Variants in VWA8 observed in about 807,000 individuals in gnomAD.
The protein encoded by VWA8 is von Willebrand factor A domain-containing protein 8.
In VWA8, 221 loss-of-function variants were observed where a neutral mutation model predicts 241.5. The observed-to-expected ratio is 0.91, with a 90% CI of 0.82 to 1.02. The LOEUF (loss-of-function observed/expected upper bound fraction) is 1.02, where lower values mean the gene tolerates loss of function less well. Among genes scored for constraint, VWA8 ranks in the 50% least tolerant of loss-of-function variants. The probability of loss-of-function intolerance (pLI) is 0.00; values close to 1 mark genes in which losing one functional copy is unlikely to be tolerated. For missense variants in VWA8, 2,322 were observed against 2,328.7 expected, an observed-to-expected ratio of 1.00 and a Z score of 0.06; for synonymous variants, 852 against 827.1, an observed-to-expected ratio of 1.03 and a Z score of -0.52.
chr13:41,685,108 C>G lies in VWA8; in HGVS notation c.4266G>C (p.Thr1422=), dbSNP rs777233669. ...GGGGTAAAATCCTCACTACCTGATT[C>G]GTATCTAAAAGAGTCACACAATTGC... ...KQSNCVTLLD[T]NQVVRILPPG... is the part of the protein sequence containing the mutation. Residue 1422 remains threonine (T), a synonymous_variant, in exon 35 of 45, where the codon ACG becomes ACC. Transcript: ENST00000379310. 1 of 1,613,556 alleles carries G rather than the reference C, an allele frequency of 6.2e-7. No homozygotes were observed. Among genetic ancestry groups the G allele is most frequent in the Non-Finnish European group, 8.5e-7 (1 of 1,179,712 alleles).
At chr13:41,947,441 A>C (rs1276883684) in intron 2 of VWA8, among the ~76,000 whole-genome samples, 2 of 152,238 alleles carry the variant, frequency 1.3e-5, no homozygotes, top group African/African-American at 2.4e-5. Context: ...TTGAGAAAAG[A>C]AGTGACATGA....
At chr13:41,599,917 C>T (rs1423280306) in intron 40 of VWA8, among the ~76,000 whole-genome samples, 2 of 152,082 alleles carry the variant, frequency 1.3e-5, no homozygotes, top group African/African-American at 2.4e-5. Context: ...ACCTCCCCCA[C>T]AACCATGCCT....
intron 12 of VWA8, among the ~76,000 whole-genome samples, chr13:41,853,044 G>A (rs866360968): frequency 2.0e-4 from 30 of 152,074 alleles, no homozygotes; most frequent in African/African-American, 6.0e-4. Context: ...GGGTGGTATC[G>A]TTAGTGTTTT....
rs1435990982 is a variant in VWA8, at chr13:41,685,097, A to G, written c.4277T>C (p.Val1426Ala). 1.2e-6 allele frequency: 2 copies of G among 1,613,624 alleles called. No homozygotes were observed. The highest frequency in any genetic ancestry group is 1.7e-6 in the Non-Finnish European group (2 of 1,179,726). ...CVTLLDTNQV[V>A]RILPPGEVPL... ...GACTTCTCCTGGGGGTAAAATCCTC[A>G]CTACCTGATTCGTATCTAAAAGAGT... is the stretch of plus-strand genomic sequence containing the variant. The change falls in exon 35 of 45, where the codon GTG becomes GCG. Residue 1426 changes from valine to alanine, a missense_variant. Transcript: ENST00000379310.
At chr13:41,568,539 G>A (rs917637077) in intron 44 of VWA8, 2 of 455,924 alleles carry the variant, frequency 4.4e-6, no homozygotes, top group South Asian at 5.0e-5. Context: ...TCTTTTCAGT[G>A]AGAAAGTCAG....
At chr13:41,710,591 C>T (rs2045310017) in intron 26 of VWA8, among the ~76,000 whole-genome samples, 1 of 152,140 alleles carries the variant, frequency 6.6e-6, no homozygotes, top group African/African-American at 2.4e-5. Context: ...AAACAAACAG[C>T]TCTTTTCTGA....
chr13:41,692,374 T>C (rs2045184179), intron 30 of VWA8, among the ~76,000 whole-genome samples: 1 of 152,092 alleles, frequency 6.6e-6, no homozygotes, highest in Non-Finnish European at 1.5e-5. Flanking sequence ...TTTAAATCCA[T>C]TATTTTTTTC....
intron 9 of VWA8, among the ~76,000 whole-genome samples, chr13:41,870,274 T>G (rs1235593555): frequency 6.6e-6 from 1 of 150,674 alleles, no homozygotes; most frequent in African/African-American, 2.4e-5. Flanking sequence ...AAAAAAAAAG[T>G]TCCACTGTAT....
At chr13:41,691,256 G>A in intron 32 of VWA8, 64 bp downstream of exon 32, 1 of 1,540,764 alleles carries the variant, frequency 6.5e-7, no homozygotes, top group Non-Finnish European at 8.8e-7. Context: ...TAAAGATGTT[G>A]GATAATTCAT....
At chr13:41,679,941 C>T (rs1039442084) in intron 35 of VWA8, among the ~76,000 whole-genome samples, 7 of 141,520 alleles carry the variant, frequency 4.9e-5, no homozygotes, top group Admixed American at 7.7e-5. Context: ...CATTATGGTG[C>T]CCTCTTGATG....
intron 25 of VWA8, among the ~76,000 whole-genome samples, chr13:41,720,730 C>G (rs1340064228): frequency 6.6e-6 from 1 of 152,046 alleles, no homozygotes; most frequent in Non-Finnish European, 1.5e-5. Context: ...ACTTTTCTTT[C>G]TAGGGTTTTC....
intron 16 of VWA8, among the ~76,000 whole-genome samples, chr13:41,816,320 T>C (rs534409996): frequency 6.6e-6 from 1 of 152,214 alleles, no homozygotes; most frequent in Non-Finnish European, 1.5e-5. Flanking sequence ...GGAATGGAAA[T>C]ACAAGTCAAT....
At chr13:41,797,875 C>T (rs1311930055) in intron 17 of VWA8, among the ~76,000 whole-genome samples, 1 of 152,074 alleles carries the variant, frequency 6.6e-6, no homozygotes, top group African/African-American at 2.4e-5. Flanking sequence ...TAACTGTTAT[C>T]TGGAAAGTTT....
intron 38 of VWA8, among the ~76,000 whole-genome samples, chr13:41,613,550 G>A (rs2044603012): frequency 6.6e-6 from 1 of 152,200 alleles, no homozygotes; most frequent in South Asian, 2.1e-4. Flanking sequence ...GAAAGTGGTG[G>A]AACCATCAGA....
intron 14 of VWA8, among the ~76,000 whole-genome samples, chr13:41,826,821 C>A (rs1050724163): frequency 3.9e-5 from 6 of 152,126 alleles, no homozygotes; most frequent in African/African-American, 1.2e-4. Context: ...CTGCAGTGAG[C>A]CGAGATTGTG....
intron 2 of VWA8, among the ~76,000 whole-genome samples, chr13:41,922,236 G>A (rs148914809): frequency 0.018 from 2,684 of 152,318 alleles, 87 homozygotes; most frequent in African/African-American, 0.06. Context: ...GCCACAGGTA[G>A]AAAGCTGAAA....
At chr13:41,830,384 G>T (rs1871394170) in intron 14 of VWA8, 145 bp downstream of exon 14, 2 of 571,356 alleles carry the variant, frequency 3.5e-6, no homozygotes, top group Non-Finnish European at 3.0e-6. Flanking sequence ...TTTAAGAAAT[G>T]CCAAAGTAGT....
At chr13:41,697,998 T>C (rs917562899) in intron 29 of VWA8, among the ~76,000 whole-genome samples, 2 of 152,188 alleles carry the variant, frequency 1.3e-5, no homozygotes, top group Non-Finnish European at 2.9e-5. Context: ...AACTCTCTTC[T>C]TCCAGGTACC....
intron 17 of VWA8, among the ~76,000 whole-genome samples, chr13:41,799,459 C>T (rs1490812189): frequency 2.6e-5 from 4 of 152,150 alleles, no homozygotes; most frequent in Admixed American, 6.6e-5. Flanking sequence ...GTTTCTTTCC[C>T]ACCCCAAGCT....
Sources: allele counts gnomAD v4.1 joint callset (sites outside exome capture counted in the v4.1 genomes callset), GRCh38; gene constraint gnomAD v4.1.1; transcripts MANE v1.5; gene names NCBI Gene and HGNC (gene_info 2026-07-23, HGNC 2026-07-21).